Variants in GRM7 observed in about 807,000 individuals in gnomAD.
The protein encoded by GRM7 is glutamate metabotropic receptor 7, also known as metabotropic glutamate receptor 7.
GRM7 carries 35 observed loss-of-function variants against 84.5 expected under a neutral mutation model. The ratio of observed to expected loss-of-function variants is 0.41; its 90% confidence interval spans 0.32 to 0.55. The LOEUF is 0.55. Ranked by LOEUF, GRM7 falls within the 20% of genes least tolerant of loss-of-function variation. The pLI is 0.19. For synonymous variants in GRM7, 487 were observed against 455.1 expected, an observed-to-expected ratio of 1.07 and a Z score of -0.89; for missense variants, 1,003 against 1,194.6, an observed-to-expected ratio of 0.84 and a Z score of 2.36.
chr3:7,356,296 GA>G (rs1693397332), intron 4 of GRM7, among the ~76,000 whole-genome samples: 2 of 150,612 alleles, frequency 1.3e-5, no homozygotes, highest in South Asian at 4.2e-4. Context: ...AGCAGAGGAG[GA>G]TTTTTTTTTT....
At chr3:6,953,344 G>A (rs1692872444) in intron 1 of GRM7, among the ~76,000 whole-genome samples, 1 of 152,184 alleles carries the variant, frequency 6.6e-6, no homozygotes, top group Admixed American at 6.5e-5. Context: ...AGATCTAGAT[G>A]CAGGAGGTTC....
chr3:7,056,078 G>A (rs1697209061), intron 1 of GRM7, among the ~76,000 whole-genome samples: 1 of 151,880 alleles, frequency 6.6e-6, no homozygotes, highest in Non-Finnish European at 1.5e-5. Context: ...AATAACACAG[G>A]CAGTAATAAG....
chr3:7,223,626 C>G (rs1160353635), intron 2 of GRM7, among the ~76,000 whole-genome samples: 1 of 152,066 alleles, frequency 6.6e-6, no homozygotes, highest in African/African-American at 2.4e-5. Flanking sequence ...ATATACTCAT[C>G]TGTACATGTG....
At chr3:7,093,617 C>T (rs1053168886) in intron 1 of GRM7, among the ~76,000 whole-genome samples, 2 of 128,300 alleles carry the variant, frequency 1.6e-5, no homozygotes, top group African/African-American at 3.0e-5. Context: ...GCAGAGGTTG[C>T]AGTAACACTA....
At chr3:6,887,125 C>G (rs929827918) in intron 1 of GRM7, among the ~76,000 whole-genome samples, 9 of 151,738 alleles carry the variant, frequency 5.9e-5, no homozygotes, top group African/African-American at 2.2e-4. Flanking sequence ...CTTTCTCCCA[C>G]TGTTTAAACT....
intron 6 of GRM7, among the ~76,000 whole-genome samples, chr3:7,453,245 T>C (rs1449717006): frequency 6.6e-6 from 1 of 152,066 alleles, no homozygotes; most frequent in Admixed American, 6.6e-5. Context: ...CACACCAAGC[T>C]AGCAATAAAT....
chr3:7,680,517 A>G, intron 9 of GRM7: 1 of 538,704 alleles, frequency 1.9e-6, no homozygotes, highest in Non-Finnish European at 3.3e-6. Flanking sequence ...GCTCTGCTTC[A>G]GAAGTGTGAA....
Position 6,923,680 on chromosome 3 carries a change from A to G in GRM7, c.519+61773A>G, listed in dbSNP as rs544378218. On this transcript the variant is annotated intron_variant, in intron 1 of 9. Coordinates refer to ENST00000357716, the MANE Select transcript of GRM7 (RefSeq NM_000844.4). ...AAAGAAACACATCAACACTTATTTT[A>G]GATACTTTGTTATCAGACCCATTCT... Among the ~76,000 whole-genome samples the G allele has an allele frequency of 3.5e-4, 53 of 152,298 alleles. No homozygotes were observed. In the South Asian group the frequency reaches 7.9e-3, roughly 23 times the overall value.
intron 1 of GRM7, among the ~76,000 whole-genome samples, chr3:6,879,910 C>G (rs1265722546): frequency 6.6e-6 from 1 of 152,190 alleles, no homozygotes; most frequent in Non-Finnish European, 1.5e-5. Flanking sequence ...CCCCTCACCT[C>G]TGGTGTGTCA....
intron 1 of GRM7, among the ~76,000 whole-genome samples, chr3:7,015,508 A>G (rs1408581948): frequency 6.6e-6 from 1 of 152,222 alleles, no homozygotes. Context: ...CTACATAACA[A>G]ATTAATGCAA....
At chr3:7,044,568 G>T (rs546139087) in intron 1 of GRM7, among the ~76,000 whole-genome samples, 1 of 152,208 alleles carries the variant, frequency 6.6e-6, no homozygotes, top group African/African-American at 2.4e-5. Context: ...AAAGAAAGCC[G>T]CAGTGACGTT....
At chr3:6,897,230 C>A (rs954625306) in intron 1 of GRM7, among the ~76,000 whole-genome samples, 1 of 152,168 alleles carries the variant, frequency 6.6e-6, no homozygotes, top group Non-Finnish European at 1.5e-5. Context: ...GTATGGGAAG[C>A]AGTACTGCTT....
At chr3:7,127,222 A>G (rs1173753202) in intron 1 of GRM7, among the ~76,000 whole-genome samples, 4 of 152,204 alleles carry the variant, frequency 2.6e-5, no homozygotes, top group Non-Finnish European at 5.9e-5. Flanking sequence ...CTCCATATTG[A>G]CAGCGTCACA....
chr3:6,910,467 G>T (rs1047509878), intron 1 of GRM7, among the ~76,000 whole-genome samples: 10 of 152,080 alleles, frequency 6.6e-5, no homozygotes, highest in Admixed American at 1.3e-4. Flanking sequence ...AAACAGAAGG[G>T]GACACAGGCA....
At chr3:7,004,427 G>T (rs1695114905) in intron 1 of GRM7, among the ~76,000 whole-genome samples, 1 of 151,984 alleles carries the variant, frequency 6.6e-6, no homozygotes, top group South Asian at 2.1e-4. Context: ...AATATGAATT[G>T]GATAAAACTT....
intron 5 of GRM7, among the ~76,000 whole-genome samples, chr3:7,444,453 T>C (rs1166657135): frequency 2.0e-5 from 3 of 152,190 alleles, no homozygotes; most frequent in Non-Finnish European, 4.4e-5. Flanking sequence ...AACCATATCT[T>C]TTTGTTTGTT....
At chr3:7,704,037 T>C (rs1421098761) in intron 9 of GRM7, among the ~76,000 whole-genome samples, 1 of 152,200 alleles carries the variant, frequency 6.6e-6, no homozygotes, top group African/African-American at 2.4e-5. Flanking sequence ...TAATAGATTG[T>C]CCATTCTATG....
chr3:7,569,121 C>T lies in GRM7; in HGVS notation c.1516-9301C>T, dbSNP rs190131678. 1.2e-4 allele frequency among the ~76,000 whole-genome samples: 18 copies of T among 152,270 alleles called. No individual in the cohort carries two copies. The East Asian group carries it at 2.3e-3, about 20-fold the overall frequency. The stretch of plus-strand genomic sequence containing the variant: ...GCTAAGGGATTGTAAATACACCTAT[C>T]AGCACTCTGTATCTAGCTCAAGGTT... On this transcript the variant is annotated intron_variant, in intron 7 of 9. Transcript: ENST00000357716.
At chr3:7,329,684 T>C (rs60942605) in intron 4 of GRM7, among the ~76,000 whole-genome samples, 67,470 of 151,988 alleles carry the variant, frequency 0.44, 15,197 homozygotes, top group African/African-American at 0.52. Context: ...GTATACCTGG[T>C]GTGTCTCATC....
Sources: gnomAD v4.1 joint callset for allele counts (sites outside exome capture counted in the v4.1 genomes callset) on GRCh38, gnomAD v4.1.1 for gene constraint, MANE v1.5 for transcripts, NCBI Gene and HGNC (gene_info 2026-07-23, HGNC 2026-07-21) for gene names.